The following WNK1 variants were observed in gnomAD, a reference collection of about 807,000 sequenced individuals.
WNK1 encodes serine/threonine-protein kinase WNK1.
WNK1 carries 38 observed loss-of-function variants against 222.8 expected under a neutral mutation model. That is an observed-to-expected ratio of 0.17 (90% CI 0.13 to 0.22). The LOEUF (loss-of-function observed/expected upper bound fraction) is 0.22. WNK1 is among the 10% of genes least tolerant of loss of function. The pLI, the probability that WNK1 is intolerant of heterozygous loss-of-function variation, is 1.00. For missense variants in WNK1, 2,348 were observed against 2,918.4 expected (o/e 0.80, Z 4.50); for synonymous variants, 1,090 against 1,092.9 (o/e 1.00, Z 0.05).
chr12:908,121 C>T (rs552634911), intron 27 of WNK1, 87 bp downstream of exon 27: 492 of 1,464,142 alleles, frequency 3.4e-4, no homozygotes, highest in Non-Finnish European at 4.5e-4. Context: ...TAACGTCTTA[C>T]GCCACGACCT....
At chr12:797,986 C>T (rs1945489661) in intron 1 of WNK1, among the ~76,000 whole-genome samples, 1 of 150,818 alleles carries the variant, frequency 6.6e-6, no homozygotes, top group Non-Finnish European at 1.5e-5. Context: ...AACCTCTATT[C>T]TATGTATTTT....
Position 753,232 on chromosome 12 carries a change from G to A in WNK1, c.-334G>A. Reference sequence around the variant, plus strand: ...CCCTGGCCCTCCCCTCATGACTGCGGCGCCTCTGCTGCCACCGCCCGCCCG... The same window carrying A: ...CCCTGGCCCTCCCCTCATGACTGCGACGCCTCTGCTGCCACCGCCCGCCCG... On this transcript the variant is annotated 5_prime_UTR_variant, in exon 1 of 28. Transcript: ENST00000315939. The surrounding 1 kb of genome is among the most constrained non-coding windows in gnomAD (Gnocchi z 5.2). 3.4e-6 allele frequency: 1 copy of A among 296,046 alleles called. No individual in the cohort carries two copies. The highest frequency in any genetic ancestry group is 6.3e-6 in the Non-Finnish European group (1 of 158,442). The allele number at this position is 296,046 out of a possible 1,614,324, so 18.3% of individuals were successfully genotyped here.
intron 1 of WNK1, among the ~76,000 whole-genome samples, chr12:768,024 T>C (rs181192394): frequency 3.2e-4 from 48 of 152,300 alleles, no homozygotes; most frequent in Non-Finnish European, 3.4e-4. Context: ...TGGTAAACTA[T>C]CAACTTAAAT....
In WNK1 at chr12:885,438, C is replaced by G. The variant is rs754771189; in HGVS notation, c.4634C>G (p.Ser1545Cys). 1 of 1,613,860 alleles carries G rather than the reference C, an allele frequency of 6.2e-7. No individual in the cohort carries two copies. Among genetic ancestry groups the G allele is most frequent in the Non-Finnish European group, 8.5e-7 (1 of 1,180,044 alleles). The part of the protein sequence containing the change: ...SSTTGLAFSL[S>C]APSSSSSPGA... ...ACAACTGGATTGGCTTTCTCCCTCT[C>G]TGCACCATCTTCCTCTTCCTCTCCT... Residue 1545 changes from serine to cysteine, a missense_variant, in exon 19 of 28, where the codon TCT becomes TGT. Physicochemically the swap from Ser to Cys is moderately radical, Grantham distance 112. Transcript: ENST00000315939.
chr12:903,535 T>G (rs891825930), intron 26 of WNK1, among the ~76,000 whole-genome samples: 2 of 152,206 alleles, frequency 1.3e-5, no homozygotes, highest in Non-Finnish European at 2.9e-5. Context: ...AGCTTCTGTT[T>G]CTGAAATATA....
rs1565374177 is a variant in WNK1 at position 753,539 on chromosome 12, C to T, written c.-27C>T. ...CCCTTTTCGTTCACGAATCCGAGCCCGCTCGCCTCTCTCCAGCGAACCGAC... is the reference window on the plus strand; with the variant it reads ...CCCTTTTCGTTCACGAATCCGAGCCTGCTCGCCTCTCTCCAGCGAACCGAC... On this transcript the variant is annotated 5_prime_UTR_variant, in exon 1 of 28. Coordinates refer to ENST00000315939, the MANE Select transcript of WNK1 (RefSeq NM_018979.4). This position sits in a 1 kb window ranked among gnomAD's most constrained non-coding sequence, Gnocchi z 5.2. 2.5e-6 allele frequency: 4 copies of T among 1,611,126 alleles called. No homozygotes were observed. Among genetic ancestry groups the T allele is most frequent in the African/African-American group, 2.7e-5 (2 of 74,880 alleles).
chr12:838,954 A>G (rs1182428232), intron 4 of WNK1, among the ~76,000 whole-genome samples: 3 of 152,172 alleles, frequency 2.0e-5, no homozygotes, highest in Non-Finnish European at 4.4e-5. Flanking sequence ...TGTTTTCTAG[A>G]TCCTAGATAT....
chr12:760,285 A>G (rs902618197), intron 1 of WNK1, among the ~76,000 whole-genome samples: 1 of 147,732 alleles, frequency 6.8e-6, no homozygotes, highest in African/African-American at 2.4e-5. Context: ...GAAATTGTTT[A>G]TATATTTTGT....
intron 7 of WNK1, 48 bp from the exon 8 acceptor site, chr12:862,035 A>G: frequency 2.5e-6 from 4 of 1,609,916 alleles, no homozygotes; most frequent in Non-Finnish European, 3.4e-6. Flanking sequence ...CCATTTTGTG[A>G]TTTGTCTTTC....
rs1951825184 is a variant in WNK1, at chr12:868,028, G to A, written c.2140-3237G>A. On this transcript the variant is annotated intron_variant, in intron 8 of 27. Coordinates refer to ENST00000315939, the MANE Select transcript of WNK1 (RefSeq NM_018979.4). ...GCGTAAGAGCACCTCCTTCCTGGAAGCCCAAACTCACCACTTCCAACCCCT... is the reference window on the plus strand; with the variant it reads ...GCGTAAGAGCACCTCCTTCCTGGAAACCCAAACTCACCACTTCCAACCCCT... 1.9e-6 allele frequency: 3 copies of A among 1,613,958 alleles called. No individual in the cohort carries two copies. Among genetic ancestry groups the A allele is most frequent in the Non-Finnish European group, 1.7e-6 (2 of 1,179,878 alleles).
chr12:786,076 G>A (rs1319326489), intron 1 of WNK1, among the ~76,000 whole-genome samples: 1 of 152,122 alleles, frequency 6.6e-6, no homozygotes, highest in Non-Finnish European at 1.5e-5. Context: ...ATAGTCTAAT[G>A]TATGCTGTTG....
At chr12:786,621 C>T (rs1172137813) in intron 1 of WNK1, among the ~76,000 whole-genome samples, 2 of 152,100 alleles carry the variant, frequency 1.3e-5, no homozygotes, top group African/African-American at 4.8e-5. Context: ...GCTCCTGCCA[C>T]CAGGCCTGGC....
intron 1 of WNK1, among the ~76,000 whole-genome samples, chr12:787,786 A>C (rs927941704): frequency 1.3e-5 from 2 of 152,108 alleles, no homozygotes; most frequent in African/African-American, 4.8e-5. Context: ...CAACAAAAAA[A>C]TGTTAAAAAC....
chr12:793,627 T>C (rs1945042389), intron 1 of WNK1, among the ~76,000 whole-genome samples: 1 of 152,192 alleles, frequency 6.6e-6, no homozygotes, highest in African/African-American at 2.4e-5. Context: ...TCTCACTATA[T>C]GTATATTCTT....
At position 896,162 on chromosome 12, in the gene WNK1, C is replaced by T. The variant is rs1954718082; in HGVS notation, c.5675C>T (p.Ser1892Phe). Residue 1892 changes from serine to phenylalanine, a missense_variant, in exon 24 of 28, where the codon TCC (serine) becomes TTC (phenylalanine). Transcript: ENST00000315939. ...SVHFESSTSE[S>F]SVLSSSSPES... ...CATTTTGAATCCAGCACCTCAGAGT[C>T]CTCAGTGCTATCAAGTAGTAGTCCA... 1.4e-5 allele frequency: 23 copies of T among 1,614,138 alleles called. No homozygotes were observed. Among genetic ancestry groups the T allele is most frequent in the East Asian group, 2.2e-5 (1 of 44,872 alleles).
At chr12:862,036 T>G in intron 7 of WNK1, 47 bp from the exon 8 acceptor site, 1 of 1,610,050 alleles carries the variant, frequency 6.2e-7, no homozygotes, top group Non-Finnish European at 8.5e-7. Flanking sequence ...CATTTTGTGA[T>G]TTGTCTTTCT....
intron 5 of WNK1, 40 bp downstream of exon 5, chr12:857,289 A>C: frequency 6.4e-7 from 1 of 1,553,658 alleles, no homozygotes; most frequent in Non-Finnish European, 8.9e-7. Flanking sequence ...CTTGAACAAA[A>C]CCTAAAAAGT....
chr12:860,104 C>T lies in WNK1; in HGVS notation c.1620+640C>T, dbSNP rs150501989. Among the ~76,000 whole-genome samples, 456 of 152,100 alleles carry T rather than the reference C, an allele frequency of 3.0e-3. 6 individuals are homozygous for T. Among genetic ancestry groups the T allele is most frequent in the Admixed American group, 0.019 (288 of 15,272 alleles). ...TAGGTAGAACTAGTAGAATGCATTC[C>T]GAAGTCATTTTGAAAAGTCTGTAAG... On this transcript the variant is annotated intron_variant, in intron 6 of 27. Coordinates refer to ENST00000315939, the MANE Select transcript of WNK1 (RefSeq NM_018979.4).
At chr12:754,844 C>T (rs779645968) in intron 1 of WNK1, among the ~76,000 whole-genome samples, 13 of 152,080 alleles carry the variant, frequency 8.5e-5, no homozygotes, top group Non-Finnish European at 1.9e-4. Context: ...TCTTCTCTGC[C>T]CCTTTTGGAT....
Sources: allele counts gnomAD v4.1 joint callset (sites outside exome capture counted in the v4.1 genomes callset), GRCh38; gene constraint gnomAD v4.1.1; non-coding constraint Gnocchi (gnomAD v3.1); transcripts MANE v1.5; gene names NCBI Gene and HGNC (gene_info 2026-07-23, HGNC 2026-07-21).